The following PDE7B variants were observed in gnomAD, a reference collection of about 807,000 sequenced individuals.
PDE7B encodes phosphodiesterase 7B.
A neutral mutation model predicts 56.2 loss-of-function variants in PDE7B; 29 were observed. The ratio of observed to expected loss-of-function variants is 0.52; its 90% confidence interval spans 0.38 to 0.70. PDE7B has a LOEUF of 0.70. PDE7B is among the 30% of genes least tolerant of loss of function. The pLI, the probability that PDE7B is intolerant of heterozygous loss-of-function variation, is 0.00. For synonymous variants in PDE7B, 197 were observed against 196.9 expected, an observed-to-expected ratio of 1.00 and a Z score of 0.00; for missense variants, 490 against 565.0, an observed-to-expected ratio of 0.87 and a Z score of 1.35.
intron 2 of PDE7B, among the ~76,000 whole-genome samples, chr6:135,964,607 A>C (rs566751842): frequency 6.6e-6 from 1 of 152,310 alleles, no homozygotes; most frequent in East Asian, 1.9e-4. Context: ...TTTTGCTTAT[A>C]CTCTGAGCCT....
intron 3 of PDE7B, among the ~76,000 whole-genome samples, chr6:136,142,790 T>A (rs1335732782): frequency 1.3e-5 from 2 of 152,168 alleles, no homozygotes; most frequent in Non-Finnish European, 2.9e-5. Context: ...CTTTTTTTGT[T>A]TTCCATTTTC....
At chr6:136,191,475 T>C in intron 12 of PDE7B, 139 bp from the exon 13 acceptor site, 1 of 720,058 alleles carries the variant, frequency 1.4e-6, no homozygotes, top group South Asian at 1.8e-5. Flanking sequence ...AAGGCCAACC[T>C]GGCCAACATG....
chr6:136,025,051 A>C (rs1018914926), intron 2 of PDE7B, among the ~76,000 whole-genome samples: 6 of 152,200 alleles, frequency 3.9e-5, no homozygotes, highest in Admixed American at 2.0e-4. Flanking sequence ...AATTTCAAGA[A>C]AACCAGAATA....
chr6:136,069,530 T>C (rs1777010013), intron 2 of PDE7B, among the ~76,000 whole-genome samples: 1 of 152,218 alleles, frequency 6.6e-6, no homozygotes, highest in African/African-American at 2.4e-5. Flanking sequence ...TAAAAAGCAT[T>C]TGATTATATA....
At chr6:135,900,415 G>A (rs1234095809) in intron 1 of PDE7B, among the ~76,000 whole-genome samples, 1 of 151,980 alleles carries the variant, frequency 6.6e-6, no homozygotes, top group Non-Finnish European at 1.5e-5. Flanking sequence ...CATTCCTAAA[G>A]ATTTCCCAGT....
intron 1 of PDE7B, among the ~76,000 whole-genome samples, chr6:135,857,468 G>C (rs1775057341): frequency 6.6e-6 from 1 of 152,054 alleles, no homozygotes; most frequent in South Asian, 2.1e-4. Flanking sequence ...GTTCTGGCGT[G>C]GGGGTGGGGT....
intron 2 of PDE7B, among the ~76,000 whole-genome samples, chr6:135,979,345 G>T (rs1775251837): frequency 6.6e-6 from 1 of 151,786 alleles, no homozygotes; most frequent in South Asian, 2.1e-4. Flanking sequence ...TCCCTTTTGT[G>T]GTTGTGTCTC....
chr6:135,999,400 T>TC (rs1179737393), intron 2 of PDE7B, among the ~76,000 whole-genome samples: 1 of 152,112 alleles, frequency 6.6e-6, no homozygotes, highest in Non-Finnish European at 1.5e-5. Flanking sequence ...TACTTTTTTT[T>TC]CTTCTCTCCC....
intron 2 of PDE7B, among the ~76,000 whole-genome samples, chr6:136,062,651 A>G (rs1374921265): frequency 6.6e-6 from 1 of 151,542 alleles, no homozygotes; most frequent in Admixed American, 6.6e-5. Flanking sequence ...ACAAGATGGA[A>G]GAAGATCATT....
At chr6:135,895,270 C>T (rs17065079) in intron 1 of PDE7B, among the ~76,000 whole-genome samples, 10,911 of 152,114 alleles carry the variant, frequency 0.072, 776 homozygotes, top group African/African-American at 0.19. Flanking sequence ...TGATAGTGAG[C>T]GGCAAAAGTT....
At chr6:136,101,373 G>A (rs1038674065) in intron 2 of PDE7B, among the ~76,000 whole-genome samples, 4 of 152,074 alleles carry the variant, frequency 2.6e-5, no homozygotes, top group Non-Finnish European at 4.4e-5. Context: ...GGTAGAATTC[G>A]GCTGTGAATT....
At chr6:135,999,625 T>C (rs1267025996) in intron 2 of PDE7B, among the ~76,000 whole-genome samples, 2 of 152,142 alleles carry the variant, frequency 1.3e-5, no homozygotes, top group African/African-American at 4.8e-5. Flanking sequence ...AGTATTCCAT[T>C]ATGTATATAT....
Position 136,119,575 on chromosome 6 carries a change from C to T in PDE7B, c.166+10761C>T, listed in dbSNP as rs553945914. 6.6e-5 allele frequency among the ~76,000 whole-genome samples: 10 copies of T among 152,286 alleles called. No homozygotes were observed. The East Asian group carries it at 1.7e-3, about 26-fold the overall frequency. On this transcript the variant is annotated intron_variant, in intron 3 of 12. Coordinates refer to ENST00000308191, the MANE Select transcript of PDE7B (RefSeq NM_018945.4). Reference sequence around the variant, plus strand: ...CTCAAAAGCTATGTAAGCTACTTTGCTTGTCATTTTAAAGTGAAATTTATT... The same window carrying T: ...CTCAAAAGCTATGTAAGCTACTTTGTTTGTCATTTTAAAGTGAAATTTATT...
chr6:136,165,881 CTG>C (rs2128449169), intron 8 of PDE7B, among the ~76,000 whole-genome samples: 1 of 152,272 alleles, frequency 6.6e-6, no homozygotes, highest in Admixed American at 6.5e-5. Context: ...CATTTAAAAA[CTG>C]AGGTTCTGTG....
At chr6:136,008,114 G>C (rs1473905787) in intron 2 of PDE7B, among the ~76,000 whole-genome samples, 1 of 151,896 alleles carries the variant, frequency 6.6e-6, no homozygotes, top group Non-Finnish European at 1.5e-5. Context: ...ATAGTTTGCT[G>C]AGAATGATGG....
intron 2 of PDE7B, among the ~76,000 whole-genome samples, chr6:136,108,508 A>C (rs910838681): frequency 6.6e-6 from 1 of 152,152 alleles, no homozygotes; most frequent in Non-Finnish European, 1.5e-5. Context: ...TCACAGACCC[A>C]TCTTCTAAGC....
chr6:136,120,783 C>T (rs1777918518), intron 3 of PDE7B, among the ~76,000 whole-genome samples: 1 of 152,096 alleles, frequency 6.6e-6, no homozygotes, highest in Non-Finnish European at 1.5e-5. Flanking sequence ...CACCAGCAGT[C>T]AATGTCATCA....
chr6:135,939,700 T>A (rs908459847), intron 1 of PDE7B, among the ~76,000 whole-genome samples: 1 of 152,172 alleles, frequency 6.6e-6, no homozygotes, highest in Non-Finnish European at 1.5e-5. Context: ...TGGGGTGTTC[T>A]CAACACTGGG....
chr6:136,073,753 C>A (rs1777086401), intron 2 of PDE7B, among the ~76,000 whole-genome samples: 1 of 152,118 alleles, frequency 6.6e-6, no homozygotes, highest in Non-Finnish European at 1.5e-5. Context: ...TTTTTACAGC[C>A]ACACATAGTA....
Sources: allele counts gnomAD v4.1 joint callset (sites outside exome capture counted in the v4.1 genomes callset), GRCh38; gene constraint gnomAD v4.1.1; transcripts MANE v1.5; gene names NCBI Gene and HGNC (gene_info 2026-07-23, HGNC 2026-07-21).